The following CENPN variants were observed in gnomAD, a reference collection of about 807,000 sequenced individuals.
CENPN encodes the protein centromere protein N.
CENPN carries 36 observed loss-of-function variants against 48.6 expected under a neutral mutation model. The observed-to-expected ratio is 0.74, with a 90% CI of 0.57 to 0.98. The LOEUF is 0.98. CENPN is among the 50% of genes least tolerant of loss of function. The pLI is 0.00. For synonymous variants in CENPN, 166 were observed against 135.2 expected, an observed-to-expected ratio of 1.23 and a Z score of -1.58; for missense variants, 439 against 399.2, an observed-to-expected ratio of 1.10 and a Z score of -0.85.
Position 81,029,924 on chromosome 16 carries a change from T to C in CENPN, c.*1273T>C, listed in dbSNP as rs1970692291. 6.6e-6 allele frequency among the ~76,000 whole-genome samples: 1 copy of C among 152,202 alleles called. No individual in the cohort carries two copies. Among genetic ancestry groups the C allele is most frequent in the Non-Finnish European group, 1.5e-5 (1 of 68,046 alleles). On this transcript the variant is annotated 3_prime_UTR_variant, in exon 11 of 11. Coordinates refer to ENST00000305850, the MANE Select transcript of CENPN (RefSeq NM_001100624.3). ...TGGGTAATTCACAAAGGAAAGAGGC[T>C]TAACTGACGCACATTTCCACGTGGC...
intron 1 of CENPN, chr16:81,007,522 C>A (rs375698572): frequency 6.6e-6 from 1 of 152,176 alleles, no homozygotes; most frequent in East Asian, 1.9e-4. Flanking sequence ...TTCGTAGGCT[C>A]GCGACTGCGT....
chr16:81,017,764 ATGT>A lies in CENPN; in HGVS notation c.287_289del (p.Val96del). 1 of 1,589,136 alleles carries A rather than the reference ATGT, an allele frequency of 6.3e-7. No homozygotes were observed. The highest frequency in any genetic ancestry group is 8.5e-7 in the Non-Finnish European group (1 of 1,169,884). ...TTTTTTTTCACTTTGGCAGGTGAAGATGTTGACCTTTTTGATATGAAACAATTT... is the reference window on the plus strand; with the variant it reads ...TTTTTTTTCACTTTGGCAGGTGAAGATGACCTTTTTGATATGAAACAATTT... On this transcript the variant is annotated inframe_deletion, in exon 5 of 11. Coordinates refer to ENST00000305850, the MANE Select transcript of CENPN (RefSeq NM_001100624.3).
At chr16:81,011,532 C>G (rs1222073514) in intron 1 of CENPN, among the ~76,000 whole-genome samples, 1 of 152,180 alleles carries the variant, frequency 6.6e-6, no homozygotes, top group East Asian at 1.9e-4. Flanking sequence ...TCATCACCAT[C>G]AAAACATCAA....
At chr16:81,016,076 C>T (rs903871107) in intron 3 of CENPN, among the ~76,000 whole-genome samples, 1 of 151,926 alleles carries the variant, frequency 6.6e-6, no homozygotes, top group African/African-American at 2.4e-5. Context: ...AGTGCAGAGA[C>T]AATTTTAAGC....
chr16:81,016,285 G>A (rs769583315), intron 3 of CENPN, among the ~76,000 whole-genome samples: 3 of 152,154 alleles, frequency 2.0e-5, no homozygotes, highest in Non-Finnish European at 4.4e-5. Context: ...GCTTGAGCCC[G>A]CGAGTTCAAG....
At chr16:81,017,028 G>A (rs1895577191) in intron 3 of CENPN, 1 of 279,798 alleles carries the variant, frequency 3.6e-6, no homozygotes, top group Non-Finnish European at 6.7e-6. Flanking sequence ...CCAGATTAAT[G>A]TGGCATTCTG....
intron 8 of CENPN, among the ~76,000 whole-genome samples, chr16:81,025,328 AG>A (rs1970414901): frequency 6.6e-6 from 1 of 152,228 alleles, no homozygotes; most frequent in South Asian, 2.1e-4. Flanking sequence ...AAGAGAAAAG[AG>A]TACAGAACTA....
intron 6 of CENPN, among the ~76,000 whole-genome samples, chr16:81,021,940 G>A (rs1220446190): frequency 6.6e-6 from 1 of 152,076 alleles, no homozygotes. Context: ...TCTATTTTTA[G>A]TGGAGGTGGG....
At chr16:81,017,183 T>G (rs1164771262) in intron 3 of CENPN, 143 bp from the exon 4 acceptor site, 2 of 598,448 alleles carry the variant, frequency 3.3e-6, no homozygotes, top group Non-Finnish European at 5.8e-6. Context: ...CCATATAAAG[T>G]TTATATTTTG....
At position 81,019,610 on chromosome 16, in the gene CENPN, T is replaced by C. The variant is rs566827390; in HGVS notation, c.355-490T>C. Reference sequence around the variant, plus strand: ...GCTTCATTATAAAACAAGTATCTCATTTGTAAGGCTGCCTTACCTCATAAA... The same window carrying C: ...GCTTCATTATAAAACAAGTATCTCACTTGTAAGGCTGCCTTACCTCATAAA... On this transcript the variant is annotated intron_variant, in intron 5 of 10. Transcript: ENST00000305850. Among the ~76,000 whole-genome samples, 45 of 152,260 alleles carry C rather than the reference T, an allele frequency of 3.0e-4. 1 individual carries two copies. Among genetic ancestry groups the C allele is most frequent in the Admixed American group, 2.6e-3 (39 of 15,288 alleles).
intron 3 of CENPN, chr16:81,016,669 G>A (rs889104129): frequency 6.6e-6 from 1 of 152,446 alleles, no homozygotes; most frequent in Non-Finnish European, 1.5e-5. Context: ...GGCTGAAGCA[G>A]GAGAATCGGT....
chr16:81,031,749 C>T (rs896617396), downstream of CENPN, among the ~76,000 whole-genome samples: 23 of 152,132 alleles, frequency 1.5e-4, no homozygotes, highest in African/African-American at 4.8e-4. Context: ...ATTACAGGCA[C>T]GTGCCACCAT....
rs1186767262 is a variant in CENPN, at chr16:81,020,553, T to C, written c.531+277T>C. 1.1e-5 allele frequency: 3 copies of C among 274,866 alleles called. No individual in the cohort carries two copies. The Admixed American group carries it at 1.5e-4, about 14-fold the overall frequency. 17.0% of individuals were successfully genotyped at this position (274,866 alleles called of 1,614,324 possible). A position where few individuals can be genotyped will look rare whatever the true frequency, so the allele number is the denominator to read the frequency against. On this transcript the variant is annotated intron_variant, in intron 6 of 10. Coordinates refer to ENST00000305850, the MANE Select transcript of CENPN (RefSeq NM_001100624.3). ...ATACCACATGTAATTCTTGTTCTCC[T>C]AAAATAAGAAACAGAGTGTTGTTAT... is the stretch of plus-strand genomic sequence containing the variant.
At chr16:81,008,137 T>A (rs1969542076) in intron 1 of CENPN, among the ~76,000 whole-genome samples, 1 of 152,046 alleles carries the variant, frequency 6.6e-6, no homozygotes, top group Admixed American at 6.5e-5. Flanking sequence ...AGTTTAAAAA[T>A]GGTCACGGGG....
downstream of CENPN, chr16:81,032,782 C>A: frequency 7.4e-7 from 1 of 1,349,664 alleles, no homozygotes; most frequent in Non-Finnish European, 1.0e-6. Flanking sequence ...TAGACTAATG[C>A]AGGCCTCCTT....
At chr16:81,015,915 G>T (rs545912023) in intron 3 of CENPN, among the ~76,000 whole-genome samples, 18 of 151,764 alleles carry the variant, frequency 1.2e-4, no homozygotes, top group Non-Finnish European at 2.4e-4. Context: ...TGAGGCAGGA[G>T]AATCATTTGA....
chr16:81,010,274 C>G (rs1969688189), intron 1 of CENPN, among the ~76,000 whole-genome samples: 1 of 152,220 alleles, frequency 6.6e-6, no homozygotes, highest in Non-Finnish European at 1.5e-5. Context: ...GAGATGCTCA[C>G]TGGTGTCCCC....
At position 81,028,880 on chromosome 16, in the gene CENPN, G is replaced by C; in HGVS notation, c.*229G>C. 4 of 1,277,924 alleles carry C rather than the reference G, an allele frequency of 3.1e-6. No homozygotes were observed. Among genetic ancestry groups the C allele is most frequent in the Non-Finnish European group, 4.0e-6 (4 of 1,012,614 alleles). 79.2% of individuals were successfully genotyped at this position (1,277,924 alleles called of 1,614,324 possible). On this transcript the variant is annotated 3_prime_UTR_variant, in exon 11 of 11. Transcript: ENST00000305850. ...AGCCGTTGTGGCATTTGAGATGACA[G>C]GACATATATATATATGGCCCCACAC...
At chr16:81,026,673 T>C (rs370150414) in intron 9 of CENPN, 35 bp downstream of exon 9, 23 of 1,050,354 alleles carry the variant, frequency 2.2e-5, no homozygotes, top group Non-Finnish European at 3.1e-5. Context: ...GTACAAGATA[T>C]CAACATTGTT....
Sources: allele counts gnomAD v4.1 joint callset (sites outside exome capture counted in the v4.1 genomes callset), GRCh38; gene constraint gnomAD v4.1.1; transcripts MANE v1.5; gene names NCBI Gene and HGNC (gene_info 2026-07-23, HGNC 2026-07-21).